FRMD4A: variants seen among roughly 807,000 people sequenced by gnomAD.
FRMD4A encodes the protein FERM domain-containing protein 4A.
Under a neutral mutation model 129.1 loss-of-function variants are expected in FRMD4A, and 29 were observed. The observed-to-expected ratio is 0.22, with a 90% confidence interval of 0.17 to 0.31. The LOEUF (loss-of-function observed/expected upper bound fraction) is 0.31, where lower values mean the gene tolerates loss of function less well. Among genes scored for constraint, FRMD4A ranks in the 10% least tolerant of loss-of-function variants. The pLI, the probability that FRMD4A is intolerant of heterozygous loss-of-function variation, is 1.00. For synonymous variants in FRMD4A, 634 were observed against 571.6 expected (o/e 1.11, Z -1.56); for missense variants, 1,272 against 1,375.8 (o/e 0.92, Z 1.19).
chr10:13,700,278 C>CCT (rs112741640), intron 14 of FRMD4A, among the ~76,000 whole-genome samples: 4 of 151,462 alleles, frequency 2.6e-5, no homozygotes, highest in South Asian at 2.1e-4. Flanking sequence ...TATCACCTCC[C>CCT]CCTTGACCCC....
chr10:14,224,227 A>G (rs1019436397), intron 2 of FRMD4A, among the ~76,000 whole-genome samples: 3 of 152,210 alleles, frequency 2.0e-5, no homozygotes, highest in African/African-American at 7.2e-5. Context: ...GAATGTCTCA[A>G]AGAATCAAGG....
rs989121993 is a variant in FRMD4A at position 13,646,989 on chromosome 10, G to T, written c.*49C>A. The T allele has an allele frequency of 4.0e-5, 39 of 983,944 alleles. No individual in the cohort carries two copies. The highest frequency in any genetic ancestry group is 4.3e-5 in the Non-Finnish European group (36 of 828,294). 61.0% of individuals were successfully genotyped at this position (983,944 alleles called of 1,614,324 possible). On this transcript the variant is annotated 3_prime_UTR_variant, in exon 25 of 25. Coordinates refer to ENST00000357447, the MANE Select transcript of FRMD4A (RefSeq NM_018027.5). ...TGCCCGTACCACTGGACATCAGCTA[G>T]TTCTGGATAGAGGGAGGAATCCAGG... is the stretch of plus-strand genomic sequence containing the variant.
Position 13,657,134 on chromosome 10 carries a change from C to T in FRMD4A, c.2455G>A (p.Gly819Ser). The T allele has an allele frequency of 7.9e-6, 11 of 1,393,746 alleles. No individual in the cohort carries two copies. The highest frequency in any genetic ancestry group is 2.3e-5 in the Admixed American group (1 of 43,862). 86.3% of individuals were successfully genotyped at this position (1,393,746 alleles called of 1,614,324 possible). ...GAGGAGGAGG[G>S]VYLHSQSQPS... ...TGGCTCTGGCTGTGCAGGTACACAC[C>T]GCCCCCCGCGCCCCCCGCGCCCCCC... The change falls in exon 22 of 25, where the codon GGT becomes AGT. Residue 819 changes from glycine (G) to serine (S), a missense_variant. Gly to Ser is a moderately conservative substitution (Grantham distance 56). This residue lies in a region of FRMD4A where 972 missense variants were observed against 892.3 expected (regional missense o/e 1.09). Transcript: ENST00000357447.
chr10:14,245,396 A>C (rs187903568), intron 2 of FRMD4A, among the ~76,000 whole-genome samples: 1 of 152,318 alleles, frequency 6.6e-6, no homozygotes, highest in Non-Finnish European at 1.5e-5. Context: ...GTTAGTTCAA[A>C]CAAATAAAAC....
intron 19 of FRMD4A, among the ~76,000 whole-genome samples, chr10:13,662,511 G>A (rs2082710695): frequency 6.6e-6 from 1 of 152,112 alleles, no homozygotes; most frequent in Admixed American, 6.5e-5. Flanking sequence ...CTCCCAGTAC[G>A]ATGGTTAAAC....
intron 2 of FRMD4A, among the ~76,000 whole-genome samples, chr10:14,154,126 G>C (rs1840482303): frequency 6.6e-6 from 1 of 152,160 alleles, no homozygotes; most frequent in African/African-American, 2.4e-5. Flanking sequence ...ACGCCCGATA[G>C]GTTAGGCAGG....
intron 2 of FRMD4A, among the ~76,000 whole-genome samples, chr10:14,133,725 CCCT>C (rs1839387153): frequency 7.4e-6 from 1 of 135,504 alleles, no homozygotes; most frequent in African/African-American, 2.9e-5. Context: ...ACCTTCACTA[CCCT>C]TTTTGTCTAG....
At chr10:13,722,473 T>C (rs562632148) in intron 12 of FRMD4A, among the ~76,000 whole-genome samples, 1 of 151,618 alleles carries the variant, frequency 6.6e-6, no homozygotes, top group Non-Finnish European at 1.5e-5. Context: ...CTTGAACTCC[T>C]GGCCTCAAGC....
intron 2 of FRMD4A, among the ~76,000 whole-genome samples, chr10:14,299,947 CA>C (rs1366438666): frequency 6.6e-6 from 1 of 151,996 alleles, no homozygotes; most frequent in East Asian, 1.9e-4. Context: ...CATGAGGAAG[CA>C]GAGCTGGGAA....
At chr10:14,232,824 CA>C (rs1431115637) in intron 2 of FRMD4A, among the ~76,000 whole-genome samples, 1 of 152,192 alleles carries the variant, frequency 6.6e-6, no homozygotes, top group Non-Finnish European at 1.5e-5. Context: ...AGCCTTTGGG[CA>C]GAGACTTTAG....
At chr10:13,924,543 G>A (rs772944996) in intron 2 of FRMD4A, among the ~76,000 whole-genome samples, 1 of 152,078 alleles carries the variant, frequency 6.6e-6, no homozygotes, top group African/African-American at 2.4e-5. Flanking sequence ...CTCTCAGGGA[G>A]AAGCAGTCCC....
At chr10:14,095,346 T>C (rs182064926) in intron 2 of FRMD4A, among the ~76,000 whole-genome samples, 3 of 152,284 alleles carry the variant, frequency 2.0e-5, no homozygotes, top group South Asian at 2.1e-4. Context: ...CTGCTAGCCA[T>C]CACTTTCATG....
chr10:13,859,092 T>C (rs1589057619), intron 2 of FRMD4A, among the ~76,000 whole-genome samples, 180 bp from the exon 3 acceptor site: 1 of 152,146 alleles, frequency 6.6e-6, no homozygotes, highest in East Asian at 1.9e-4. Flanking sequence ...AAAATATCTA[T>C]TGAGGCCGGG....
chr10:13,740,823 G>GTTTTTTTTTTTTT lies in FRMD4A; in HGVS notation c.549-247_549-246insAAAAAAAAAAAAA, dbSNP rs369798483. On this transcript the variant is annotated intron_variant, in intron 9 of 24. Coordinates refer to ENST00000357447, the MANE Select transcript of FRMD4A (RefSeq NM_018027.5). ...GACTTGCATTCTCTTTGTCTTGGAT[G>GTTTTTTTTTTTTT]TTTGTTTTTTTTTTTTTTTTTGAGA... 5.7e-5 allele frequency among the ~76,000 whole-genome samples: 6 copies of GTTTTTTTTTTTTT among 105,108 alleles called. 2 individuals carry two copies. The highest frequency in any genetic ancestry group is 3.9e-5 in the African/African-American group (1 of 25,474). The allele number at this position is 105,108 out of a possible 152,430, so 69.0% of individuals were successfully genotyped here.
At chr10:14,254,083 C>G (rs1844528850) in intron 2 of FRMD4A, among the ~76,000 whole-genome samples, 1 of 152,142 alleles carries the variant, frequency 6.6e-6, no homozygotes, top group African/African-American at 2.4e-5. Flanking sequence ...ATGTCTTTGC[C>G]CTTAAACTCT....
At chr10:13,918,988 C>G (rs2095040505) in intron 2 of FRMD4A, among the ~76,000 whole-genome samples, 1 of 152,016 alleles carries the variant, frequency 6.6e-6, no homozygotes, top group African/African-American at 2.4e-5. Context: ...CATCTGTGGT[C>G]TGGTGGCTTC....
intron 2 of FRMD4A, among the ~76,000 whole-genome samples, chr10:14,303,477 C>T (rs955576547): frequency 6.6e-6 from 1 of 152,224 alleles, no homozygotes; most frequent in Non-Finnish European, 1.5e-5. Context: ...TATAATTTGG[C>T]TACCAAGTCC....
chr10:14,020,649 G>A (rs1248073138), intron 2 of FRMD4A, among the ~76,000 whole-genome samples: 1 of 151,432 alleles, frequency 6.6e-6, no homozygotes. Flanking sequence ...AAGGTGACTG[G>A]AAAAAAGGCA....
At chr10:13,702,664 A>G (rs937518864) in intron 13 of FRMD4A, among the ~76,000 whole-genome samples, 1 of 152,162 alleles carries the variant, frequency 6.6e-6, no homozygotes, top group African/African-American at 2.4e-5. Flanking sequence ...CAAGACTAAC[A>G]TATCTAATTT....
Sources: allele counts gnomAD v4.1 joint callset (sites outside exome capture counted in the v4.1 genomes callset), GRCh38; gene constraint gnomAD v4.1.1; regional missense constraint gnomAD v4.1.1; transcripts MANE v1.5; gene names NCBI Gene and HGNC (gene_info 2026-07-23, HGNC 2026-07-21).